Variants in LIMCH1 observed in about 807,000 individuals in gnomAD.
LIMCH1 encodes the protein LIM and calponin homology domains 1.
In LIMCH1, 113 loss-of-function variants were observed where a neutral mutation model predicts 176.5. The ratio of observed to expected loss-of-function variants is 0.64; its 90% CI spans 0.55 to 0.75. The LOEUF (loss-of-function observed/expected upper bound fraction) is 0.75. LIMCH1 is among the 30% of genes least tolerant of loss of function. The pLI is 0.00. For missense variants in LIMCH1, 1,674 were observed against 1,814.9 expected, an observed-to-expected ratio of 0.92 and a Z score of 1.41; for synonymous variants, 619 against 645.9, an observed-to-expected ratio of 0.96 and a Z score of 0.63.
Position 41,371,458 on chromosome 4 carries a change from T to C in LIMCH1, c.96+10522T>C, listed in dbSNP as rs77004859. ...CTTCACGTCTATTTCCCCAGTCTTT[T>C]TCTCCTTGATTGGAACCTGACTCCC... On this transcript the variant is annotated intron_variant, in intron 1 of 26. Transcript: ENST00000313860. Among the ~76,000 whole-genome samples, 688 of 152,326 alleles carry C rather than the reference T, an allele frequency of 4.5e-3. 13 individuals are homozygous for C. The highest frequency in any genetic ancestry group is 0.016 in the African/African-American group (666 of 41,568).
At chr4:41,637,799 C>A (rs1209543340) in intron 13 of LIMCH1, among the ~76,000 whole-genome samples, 1 of 152,162 alleles carries the variant, frequency 6.6e-6, no homozygotes, top group African/African-American at 2.4e-5. Context: ...TGTGTGTACA[C>A]TCATGCATTC....
intron 4 of LIMCH1, 84 bp downstream of exon 4, chr4:41,606,088 G>A (rs573974446): frequency 1.4e-5 from 13 of 902,072 alleles, no homozygotes; most frequent in Non-Finnish European, 2.0e-5. Flanking sequence ...GATTACTAGA[G>A]TACTGGGTTG....
At chr4:41,512,886 G>C (rs1306559890) in intron 2 of LIMCH1, among the ~76,000 whole-genome samples, 1 of 152,146 alleles carries the variant, frequency 6.6e-6, no homozygotes, top group Non-Finnish European at 1.5e-5. Context: ...TTTTCAGTGG[G>C]TAAACTATGT....
intron 17 of LIMCH1, among the ~76,000 whole-genome samples, chr4:41,648,345 C>T (rs1242370921): frequency 1.3e-5 from 2 of 152,182 alleles, no homozygotes; most frequent in African/African-American, 2.4e-5. Context: ...AACTTCAGCT[C>T]TGAGAAAACT....
chr4:41,677,653 C>T (rs1435754214), intron 23 of LIMCH1, among the ~76,000 whole-genome samples: 2 of 152,152 alleles, frequency 1.3e-5, no homozygotes, highest in African/African-American at 2.4e-5. Context: ...TATCCTCAAA[C>T]AGCACTTCAG....
At chr4:41,612,147 C>T (rs887165989) in intron 4 of LIMCH1, among the ~76,000 whole-genome samples, 1 of 152,138 alleles carries the variant, frequency 6.6e-6, no homozygotes, top group African/African-American at 2.4e-5. Flanking sequence ...TCTCTTGATG[C>T]AAAGCTGTGT....
intron 23 of LIMCH1, among the ~76,000 whole-genome samples, chr4:41,679,504 G>C (rs1662707249): frequency 6.6e-6 from 1 of 152,196 alleles, no homozygotes. Context: ...TATTTTGGTA[G>C]AATAGTCACA....
At chr4:41,676,694 A>C (rs2095229863) in intron 23 of LIMCH1, among the ~76,000 whole-genome samples, 1 of 152,076 alleles carries the variant, frequency 6.6e-6, no homozygotes, top group Non-Finnish European at 1.5e-5. Context: ...TTAACACTGA[A>C]CCAAAAAACC....
intron 5 of LIMCH1, among the ~76,000 whole-genome samples, chr4:41,615,775 A>C (rs376505320): frequency 6.6e-6 from 1 of 152,224 alleles, no homozygotes; most frequent in African/African-American, 2.4e-5. Context: ...TAGGACTCAC[A>C]ATCAATTGGG....
chr4:41,623,419 A>ATT (rs998546816), intron 7 of LIMCH1, among the ~76,000 whole-genome samples: 33 of 152,236 alleles, frequency 2.2e-4, no homozygotes, highest in African/African-American at 7.2e-4. Context: ...ACAAAGCTTT[A>ATT]TTTTGTAGAC....
At chr4:41,442,436 T>C (rs2062804069) in intron 1 of LIMCH1, among the ~76,000 whole-genome samples, 1 of 152,274 alleles carries the variant, frequency 6.6e-6, no homozygotes, top group Admixed American at 6.5e-5. Flanking sequence ...CCCACTTTTG[T>C]ATACATGCTT....
At chr4:41,605,244 A>C (rs1209871376) in intron 3 of LIMCH1, among the ~76,000 whole-genome samples, 1 of 152,184 alleles carries the variant, frequency 6.6e-6, no homozygotes, top group Non-Finnish European at 1.5e-5. Context: ...ATTGGTAGCA[A>C]GCCTTGTCAA....
chr4:41,536,344 A>G (rs1419405166), upstream of LIMCH1, among the ~76,000 whole-genome samples: 1 of 152,212 alleles, frequency 6.6e-6, no homozygotes, highest in Admixed American at 6.5e-5. Flanking sequence ...AGAACTCGCT[A>G]GACGCCTCTC....
chr4:41,425,313 T>C (rs1159085870), intron 1 of LIMCH1, among the ~76,000 whole-genome samples: 1 of 152,166 alleles, frequency 6.6e-6, no homozygotes, highest in Admixed American at 6.5e-5. Flanking sequence ...CTTCTCTTGG[T>C]CTTGGTTTCC....
At chr4:41,437,719 T>C (rs2062235571) in intron 1 of LIMCH1, among the ~76,000 whole-genome samples, 1 of 152,242 alleles carries the variant, frequency 6.6e-6, no homozygotes, top group South Asian at 2.1e-4. Flanking sequence ...GTTATCTGTG[T>C]TTACCTCTCT....
In LIMCH1 at chr4:41,380,191, A is replaced by T. The variant is rs139961752; in HGVS notation, c.96+19255A>T. Among the ~76,000 whole-genome samples, 322 of 152,316 alleles carry T rather than the reference A, an allele frequency of 2.1e-3. 1 individual carries two copies. The highest frequency in any genetic ancestry group is 7.3e-3 in the African/African-American group (303 of 41,574). On this transcript the variant is annotated intron_variant, in intron 1 of 26. Coordinates refer to the LIMCH1 transcript ENST00000313860. ...CTTCCACTCTGAAATCCCACCTGAT[A>T]TAGGTAATCACTGGTAATATGCACT...
intron 2 of LIMCH1, among the ~76,000 whole-genome samples, chr4:41,601,976 T>C (rs2089996387): frequency 6.6e-6 from 1 of 152,012 alleles, no homozygotes; most frequent in African/African-American, 2.4e-5. Context: ...GGTATAGGGA[T>C]AGATCCCACA....
In LIMCH1 at chr4:41,697,456, C is replaced by T; in HGVS notation, c.*271C>T. ...CTGAATAGCTCAAAAAAGGTTTTAG[C>T]ATGGTCAAACAGGCTTATGGTTTAA... On this transcript the variant is annotated 3_prime_UTR_variant, in exon 32 of 32. Coordinates refer to ENST00000503057, the MANE Select transcript of LIMCH1 (RefSeq NM_001330672.2). The T allele has an allele frequency of 2.5e-6, 1 of 405,376 alleles. No individual in the cohort carries two copies. Among genetic ancestry groups the T allele is most frequent in the Non-Finnish European group, 4.4e-6 (1 of 228,980 alleles). 25.1% of individuals were successfully genotyped at this position (405,376 alleles called of 1,614,324 possible).
chr4:41,685,603 A>G, intron 27 of LIMCH1, 107 bp from the exon 28 acceptor site: 4 of 1,322,470 alleles, frequency 3.0e-6, no homozygotes, highest in Non-Finnish European at 4.3e-6. Flanking sequence ...CCTGCATGAA[A>G]TCGCTATAAA....
Sources: allele counts gnomAD v4.1 joint callset (sites outside exome capture counted in the v4.1 genomes callset), GRCh38; gene constraint gnomAD v4.1.1; transcripts MANE v1.5; gene names NCBI Gene and HGNC (gene_info 2026-07-23, HGNC 2026-07-21).